The following ADRA1B variants were observed in gnomAD, a reference collection of about 807,000 sequenced individuals.
The protein encoded by ADRA1B is adrenoceptor alpha 1B.
ADRA1B carries 17 observed loss-of-function variants against 17.9 expected under a neutral mutation model. The observed-to-expected ratio is 0.95, with a 90% CI of 0.65 to 1.42. ADRA1B has a LOEUF of 1.42. Among genes scored for constraint, ADRA1B ranks in the 40% most tolerant of loss-of-function variants. The pLI, the probability that ADRA1B is intolerant of heterozygous loss-of-function variation, is 0.00. For missense variants in ADRA1B, 681 were observed against 722.1 expected, an observed-to-expected ratio of 0.94 and a Z score of 0.65; for synonymous variants, 366 against 327.6, an observed-to-expected ratio of 1.12 and a Z score of -1.27.
chr5:159,894,293 T>G (rs879319375), intron 1 of ADRA1B, among the ~76,000 whole-genome samples: 5 of 152,210 alleles, frequency 3.3e-5, no homozygotes, highest in Admixed American at 2.0e-4. Flanking sequence ...AACAAACAAC[T>G]AAGAGTCTGC....
chr5:159,887,426 A>C (rs1296841955), intron 1 of ADRA1B, among the ~76,000 whole-genome samples: 3 of 152,244 alleles, frequency 2.0e-5, no homozygotes, highest in Non-Finnish European at 4.4e-5. Flanking sequence ...TATCAGATGG[A>C]TGTTGAAAAG....
the ADRA1B span, among the ~76,000 whole-genome samples, chr5:159,978,175 G>T: frequency 6.6e-6 from 1 of 152,120 alleles, no homozygotes; most frequent in Non-Finnish European, 1.5e-5. Context: ...GGGGATATTT[G>T]TCTGTTTTGC....
chr5:159,932,032 C>T (rs182798959), intron 1 of ADRA1B, among the ~76,000 whole-genome samples: 3 of 152,342 alleles, frequency 2.0e-5, no homozygotes, highest in Admixed American at 6.5e-5. Flanking sequence ...TGTGTTGTTG[C>T]GTGTATTAAC....
At chr5:159,891,636 T>A (rs1753983639) in intron 1 of ADRA1B, among the ~76,000 whole-genome samples, 2 of 152,192 alleles carry the variant, frequency 1.3e-5, no homozygotes, top group African/African-American at 4.8e-5. Flanking sequence ...TTGACTGTGC[T>A]TTTAACCCTC....
chr5:159,917,198 T>C lies in ADRA1B; in HGVS notation c.293T>C (p.Val98Ala), dbSNP rs1754340065. Residue 98 changes from valine to alanine, a missense_variant, in exon 1 of 2, where the codon GTC becomes GCC. Val to Ala is a moderately conservative substitution (Grantham distance 64, BLOSUM62 0). Transcript: ENST00000306675. ...AMADLLLSFT[V>A]LPFSAALEVL... Reference sequence around the variant, plus strand: ...GCCGACCTGCTGTTGAGCTTCACCGTCCTGCCCTTCTCAGCGGCCCTAGAG... The same window carrying C: ...GCCGACCTGCTGTTGAGCTTCACCGCCCTGCCCTTCTCAGCGGCCCTAGAG... 1.2e-6 allele frequency: 2 copies of C among 1,614,058 alleles called. No homozygotes were observed. The highest frequency in any genetic ancestry group is 2.7e-5 in the African/African-American group (2 of 74,938).
chr5:159,941,872 A>G (rs1232304236), intron 1 of ADRA1B, among the ~76,000 whole-genome samples: 1 of 151,622 alleles, frequency 6.6e-6, no homozygotes, highest in African/African-American at 2.4e-5. Context: ...GTTCGCAGAG[A>G]CTGAGGAGAA....
chr5:159,947,998 TA>T, intron 1 of ADRA1B: 1 of 985,452 alleles, frequency 1.0e-6, no homozygotes, highest in Non-Finnish European at 1.2e-6. Flanking sequence ...TTTGATCAAT[TA>T]CATTGCTGCT....
At chr5:159,978,721 C>T in the ADRA1B span, among the ~76,000 whole-genome samples, 1 of 152,140 alleles carries the variant, frequency 6.6e-6, no homozygotes, top group African/African-American at 2.4e-5. Context: ...TGGCCTTATT[C>T]AGAGAAACAG....
chr5:159,985,135 T>C, the ADRA1B span, among the ~76,000 whole-genome samples: 1 of 152,102 alleles, frequency 6.6e-6, no homozygotes, highest in Non-Finnish European at 1.5e-5. Context: ...TCTTGCTGTT[T>C]CCTCTGCCTG....
the ADRA1B span, among the ~76,000 whole-genome samples, chr5:159,985,594 T>C: frequency 0.01 from 1,573 of 152,372 alleles, 25 homozygotes; most frequent in African/African-American, 0.036. Context: ...GCTTGAAATA[T>C]GCTGATGGGA....
At chr5:159,955,455 G>A (rs370594731) in intron 1 of ADRA1B, among the ~76,000 whole-genome samples, 13 of 152,184 alleles carry the variant, frequency 8.5e-5, no homozygotes, top group African/African-American at 3.1e-4. Flanking sequence ...CTGCTGAGAG[G>A]AGAGATGAAA....
At chr5:159,969,828 T>C (rs1464368300) in intron 1 of ADRA1B, among the ~76,000 whole-genome samples, 1 of 152,198 alleles carries the variant, frequency 6.6e-6, no homozygotes, top group African/African-American at 2.4e-5. Flanking sequence ...CACCAAAATA[T>C]GGTATTTTGG....
chr5:159,931,142 C>T (rs1754792246), intron 1 of ADRA1B, among the ~76,000 whole-genome samples: 1 of 151,236 alleles, frequency 6.6e-6, no homozygotes, highest in African/African-American at 2.4e-5. Flanking sequence ...GTAATCCCAG[C>T]AATTTGAGAG....
At chr5:159,868,466 A>G (rs993670627) in intron 1 of ADRA1B, 18 of 152,248 alleles carry the variant, frequency 1.2e-4, no homozygotes, top group Non-Finnish European at 2.6e-4. Flanking sequence ...GGAAGTTTCC[A>G]CAAGGTATTG....
chr5:159,918,869 G>A (rs1305623667), intron 1 of ADRA1B, among the ~76,000 whole-genome samples: 1 of 152,044 alleles, frequency 6.6e-6, no homozygotes, highest in Non-Finnish European at 1.5e-5. Context: ...CCTATCCCTG[G>A]GGGACACTAC....
At chr5:159,879,726 T>C (rs1753835921) in intron 1 of ADRA1B, among the ~76,000 whole-genome samples, 1 of 152,190 alleles carries the variant, frequency 6.6e-6, no homozygotes, top group Non-Finnish European at 1.5e-5. Flanking sequence ...CTGGGTGTAG[T>C]GGCTCACGCA....
chr5:159,943,042 T>C (rs1438446924), intron 1 of ADRA1B, among the ~76,000 whole-genome samples: 1 of 152,142 alleles, frequency 6.6e-6, no homozygotes, highest in East Asian at 1.9e-4. Flanking sequence ...TGAAACCCCG[T>C]CTCTACTAAA....
At chr5:159,974,584 C>T (rs890938142), downstream of ADRA1B, among the ~76,000 whole-genome samples, 3 of 149,104 alleles carry the variant, frequency 2.0e-5, no homozygotes, top group Admixed American at 6.7e-5. Context: ...TGCAGTGGGC[C>T]GAAATCACAC....
the ADRA1B span, among the ~76,000 whole-genome samples, chr5:159,979,847 A>C: frequency 0.04 from 6,096 of 151,854 alleles, 177 homozygotes; most frequent in East Asian, 0.14. Flanking sequence ...CAGCCTGGGC[A>C]ACAGAGCAAG....
Sources: allele counts gnomAD v4.1 joint callset (sites outside exome capture counted in the v4.1 genomes callset), GRCh38; gene constraint gnomAD v4.1.1; transcripts MANE v1.5; gene names NCBI Gene and HGNC (gene_info 2026-07-23, HGNC 2026-07-21).